The following ZNF3 variants were observed in gnomAD, a reference collection of about 807,000 sequenced individuals.
The protein encoded by ZNF3 is C2-H2 type zinc finger protein.
ZNF3 carries 16 observed loss-of-function variants against 36.9 expected under a neutral mutation model. The observed-to-expected ratio is 0.43, with a 90% confidence interval of 0.29 to 0.66. The LOEUF is 0.66. Among genes scored for constraint, ZNF3 ranks in the 30% least tolerant of loss-of-function variants. ZNF3 has a pLI of 0.13. For synonymous variants in ZNF3, 201 were observed against 201.9 expected (o/e 1.00, Z 0.04); for missense variants, 462 against 543.1 (o/e 0.85, Z 1.48).
At position 100,075,183 on chromosome 7, in the gene ZNF3, G is replaced by C; in HGVS notation, c.223C>G (p.Leu75Val). The C allele has an allele frequency of 6.2e-7, 1 of 1,614,184 alleles. No individual in the cohort carries two copies. Among genetic ancestry groups the C allele is most frequent in the Non-Finnish European group, 8.5e-7 (1 of 1,180,020 alleles). The stretch of plus-strand genomic sequence containing the variant: ...TTCTCCAGCATCACATCTCTATAGA[G>C]GTCCCTCTGAGCAGGTTCCAAACGC... The part of the protein sequence containing the change: ...WKRLEPAQRD[L>V]YRDVMLENYG... Residue 75 changes from leucine to valine, a missense_variant, in exon 5 of 6, where the codon CTC becomes GTC. By Grantham distance (32) the Leu-to-Val change is conservative (BLOSUM62 1). Coordinates refer to ENST00000299667, the MANE Select transcript of ZNF3 (RefSeq NM_032924.5).
In ZNF3 at chr7:100,071,940, T is replaced by C; in HGVS notation, c.544A>G (p.Thr182Ala). Residue 182 changes from threonine (T) to alanine (A), a missense_variant, in exon 6 of 6, where the codon ACT (threonine) becomes GCT (alanine). Physicochemically the swap from Thr to Ala is moderately conservative, Grantham distance 58 (BLOSUM62 0). Coordinates refer to ENST00000299667, the MANE Select transcript of ZNF3 (RefSeq NM_032924.5). ...TGTGAGATAAGGTTGGAATTCACAGTGAAGCTGTTCCCAAAATCATTATAT... is the reference window on the plus strand; with the variant it reads ...TGTGAGATAAGGTTGGAATTCACAGCGAAGCTGTTCCCAAAATCATTATAT... ...EKYNDFGNSFTVNSNLISHQR... is the reference protein window; with the variant it reads ...EKYNDFGNSFAVNSNLISHQR... 1 of 1,614,248 alleles carries C rather than the reference T, an allele frequency of 6.2e-7. No individual in the cohort carries two copies. Among genetic ancestry groups the C allele is most frequent in the South Asian group, 1.1e-5 (1 of 91,080 alleles).
chr7:100,068,406 GCA>G (rs2116219186), downstream of ZNF3, among the ~76,000 whole-genome samples: 2 of 152,044 alleles, frequency 1.3e-5, no homozygotes, highest in South Asian at 4.2e-4. Context: ...GGGCGTAGTG[GCA>G]CATGCTTGTA....
At position 100,070,405 on chromosome 7, in the gene ZNF3, CT is replaced by C; in HGVS notation, c.*737del. On this transcript the variant is annotated 3_prime_UTR_variant, in exon 6 of 6. Coordinates refer to ENST00000299667, the MANE Select transcript of ZNF3 (RefSeq NM_032924.5). The stretch of plus-strand genomic sequence containing the variant: ...AGAGGACAGCAATCAGAGGCCAACG[CT>C]AAGTGCTTCTGACCCTCTCCCTCAC... The C allele has an allele frequency of 1.0e-6, 1 of 985,392 alleles. No homozygotes were observed. Among genetic ancestry groups the C allele is most frequent in the Non-Finnish European group, 1.2e-6 (1 of 829,958 alleles). 61.0% of individuals were successfully genotyped at this position (985,392 alleles called of 1,614,324 possible).
chr7:100,080,835 A>G (rs1012019166), intron 1 of ZNF3, among the ~76,000 whole-genome samples: 7 of 152,234 alleles, frequency 4.6e-5, no homozygotes, highest in African/African-American at 1.7e-4. Context: ...AAGAGCTTCA[A>G]TAACAGAATC....
rs1292906550 is a variant in ZNF3 at position 100,081,290 on chromosome 7, T to C, written c.-198+345A>G. Among the ~76,000 whole-genome samples, 1 of 152,244 alleles carries C rather than the reference T, an allele frequency of 6.6e-6. No homozygotes were observed. The highest frequency in any genetic ancestry group is 1.5e-5 in the Non-Finnish European group (1 of 68,034). ...TGTGTTAACATCAAATAAAAACGTC[T>C]GGGAGAAATACCAAGTTAGGGTCGC... On this transcript the variant is annotated intron_variant, in intron 1 of 5. Transcript: ENST00000299667. The surrounding 1 kb of genome is among the most constrained non-coding windows in gnomAD (Gnocchi z 4.3).
chr7:100,071,027 C>A lies in ZNF3; in HGVS notation c.*116G>T. The A allele has an allele frequency of 6.7e-7, 1 of 1,494,058 alleles. No homozygotes were observed. Among genetic ancestry groups the A allele is most frequent in the East Asian group, 2.3e-5 (1 of 43,594 alleles). The allele number at this position is 1,494,058 out of a possible 1,614,324, so 92.6% of individuals were successfully genotyped here. A position where few individuals can be genotyped will look rare whatever the true frequency, so the allele number is the denominator to read the frequency against. ...AACGATTTGCCCCATCTGCCCCATT[C>A]TCTAAAATGAAAAGTCTGAGTTGAA... is the stretch of plus-strand genomic sequence containing the variant. On this transcript the variant is annotated 3_prime_UTR_variant, in exon 6 of 6. Transcript: ENST00000299667.
downstream of ZNF3, among the ~76,000 whole-genome samples, chr7:100,069,392 AAT>A (rs376103788): frequency 6.6e-6 from 1 of 152,198 alleles, no homozygotes. Flanking sequence ...CTCTACTAAA[AAT>A]ACAAAAATTA....
At chr7:100,073,598 C>A (rs1354861272) in intron 5 of ZNF3, among the ~76,000 whole-genome samples, 2 of 151,940 alleles carry the variant, frequency 1.3e-5, no homozygotes, top group Non-Finnish European at 2.9e-5. Flanking sequence ...TATCTGCCCG[C>A]CTCAGTCTCC....
rs948466405 is a variant in ZNF3 at position 100,070,795 on chromosome 7, G to A, written c.*348C>T. ...CCACTGCTGTCTGTGCTGACTACGC[G>A]GACTCCAACTAAAGGAATCCATCGA... On this transcript the variant is annotated 3_prime_UTR_variant, in exon 6 of 6. Transcript: ENST00000299667. 2.7e-5 allele frequency: 29 copies of A among 1,063,902 alleles called. No homozygotes were observed. The highest frequency in any genetic ancestry group is 7.1e-5 in the South Asian group (2 of 28,076). The allele number at this position is 1,063,902 out of a possible 1,614,324, so 65.9% of individuals were successfully genotyped here.
Position 100,070,063 on chromosome 7 carries a change from C to T in ZNF3, c.*1080G>A, listed in dbSNP as rs76391368. On this transcript the variant is annotated 3_prime_UTR_variant, in exon 6 of 6. Transcript: ENST00000299667. ...AAAACACAATGGAAGGTCATCCCGT[C>T]GGTTGGGAAAACTCGGGGAGTGCCA... The T allele has an allele frequency of 6.4e-3, 6,281 of 985,810 alleles. 315 individuals are homozygous for T. In the African/African-American group the frequency reaches 0.1, roughly 16 times the overall value. 61.1% of individuals were successfully genotyped at this position (985,810 alleles called of 1,614,324 possible).
exon 6 of ZNF3, chr7:100,064,453 G>A: frequency 1.2e-6 from 2 of 1,613,590 alleles, no homozygotes; most frequent in Non-Finnish European, 8.5e-7. Context: ...TAAGTGTAAG[G>A]AGTGTGGGAA....
chr7:100,074,024 G>A (rs959145756), intron 5 of ZNF3, among the ~76,000 whole-genome samples: 2 of 152,004 alleles, frequency 1.3e-5, no homozygotes, highest in Admixed American at 6.6e-5. Context: ...GTGTGGTGAC[G>A]CATGCCTATC....
chr7:100,064,058 A>G lies in ZNF3; in HGVS notation c.*730T>C, dbSNP rs753061917. On this transcript the variant is annotated 3_prime_UTR_variant, in exon 6 of 6. Coordinates refer to the ZNF3 transcript ENST00000413658. ...GCTGAATGTGGCAAAGCCTTTAGTAATAGCTCAAATCTCACCAAACACAGG... is the reference window on the plus strand; with the variant it reads ...GCTGAATGTGGCAAAGCCTTTAGTAGTAGCTCAAATCTCACCAAACACAGG... 2.2e-5 allele frequency: 36 copies of G among 1,614,040 alleles called. No homozygotes were observed. In the Admixed American group the frequency reaches 3.3e-4, roughly 15 times the overall value.
rs543036878 is a variant in ZNF3, at chr7:100,081,177, T to C, written c.-198+458A>G. 4.6e-5 allele frequency among the ~76,000 whole-genome samples: 7 copies of C among 152,338 alleles called. No homozygotes were observed. Among genetic ancestry groups the C allele is most frequent in the African/African-American group, 1.7e-4 (7 of 41,582 alleles). ...CTGCACCCACTCCCAGCCCTCGTGC[T>C]AACTGCGTACGCTTAGCAGAATTTC... On this transcript the variant is annotated intron_variant, in intron 1 of 5. Transcript: ENST00000299667. This position sits in a 1 kb window ranked among gnomAD's most constrained non-coding sequence, Gnocchi z 4.3.
At chr7:100,078,197 A>G (rs1489163849) in intron 2 of ZNF3, among the ~76,000 whole-genome samples, 2 of 152,098 alleles carry the variant, frequency 1.3e-5, no homozygotes, top group Non-Finnish European at 2.9e-5. Flanking sequence ...ATTCACTGGC[A>G]TAAAAAGACT....
downstream of ZNF3, among the ~76,000 whole-genome samples, chr7:100,068,195 T>C (rs1244690516): frequency 1.3e-5 from 2 of 152,112 alleles, no homozygotes; most frequent in African/African-American, 2.4e-5. Flanking sequence ...CAAGTGATTC[T>C]CCTGCCTCAG....
Sources: allele counts gnomAD v4.1 joint callset (sites outside exome capture counted in the v4.1 genomes callset), GRCh38; gene constraint gnomAD v4.1.1; non-coding constraint Gnocchi (gnomAD v3.1); transcripts MANE v1.5; gene names NCBI Gene and HGNC (gene_info 2026-07-23, HGNC 2026-07-21).